RNFT2: variants seen among roughly 807,000 people sequenced by gnomAD.
RNFT2 encodes E3 ubiquitin-protein ligase RNFT2.
Under a neutral mutation model 53.0 loss-of-function variants are expected in RNFT2, and 36 were observed. The observed-to-expected ratio is 0.68, with a 90% CI of 0.52 to 0.90. The LOEUF (loss-of-function observed/expected upper bound fraction) is 0.90. Ranked by LOEUF, RNFT2 falls within the 40% of genes least tolerant of loss-of-function variation. The probability of loss-of-function intolerance (pLI) is 0.00; values close to 1 mark genes in which losing one functional copy is unlikely to be tolerated. For synonymous variants in RNFT2, 260 were observed against 253.2 expected, an observed-to-expected ratio of 1.03 and a Z score of -0.26; for missense variants, 514 against 585.6, an observed-to-expected ratio of 0.88 and a Z score of 1.26.
chr12:116,771,576 A>G (rs1468744123), intron 6 of RNFT2, among the ~76,000 whole-genome samples: 1 of 147,708 alleles, frequency 6.8e-6, no homozygotes, highest in African/African-American at 2.5e-5. Context: ...TTTTTTTTAC[A>G]TAGTAATAGC....
chr12:116,766,825 A>G lies in RNFT2; in HGVS notation c.639A>G (p.Ser213=). ...TGCTTTGTCTTCAGGAGAAGAGGTCAGTGCTGGTCATCTTGTGGATCCTGG... is the reference window on the plus strand; with the variant it reads ...TGCTTTGTCTTCAGGAGAAGAGGTCGGTGCTGGTCATCTTGTGGATCCTGG... ...REQVSLKEKR[S]VLVILWILAF... The change falls in exon 6 of 11, where the codon TCA becomes TCG. Residue 213 remains serine (S), a synonymous_variant. Coordinates refer to ENST00000257575, the MANE Select transcript of RNFT2 (RefSeq NM_001382266.1). 1.3e-6 allele frequency: 2 copies of G among 1,593,726 alleles called. No homozygotes were observed. Among genetic ancestry groups the G allele is most frequent in the Non-Finnish European group, 1.7e-6 (2 of 1,169,438 alleles).
Position 116,849,755 on chromosome 12 carries a change from C to T in RNFT2, c.*307C>T. On this transcript the variant is annotated 3_prime_UTR_variant, in exon 11 of 11. Transcript: ENST00000257575. ...AAGGACCTGGCAATACATGAAGTTC[C>T]CACTTGTTGGTTATTTTCTCTTTCT... 8.6e-7 allele frequency: 1 copy of T among 1,167,066 alleles called. No homozygotes were observed. The highest frequency in any genetic ancestry group is 1.1e-6 in the Non-Finnish European group (1 of 946,660). 72.3% of individuals were successfully genotyped at this position (1,167,066 alleles called of 1,614,324 possible). A position where few individuals can be genotyped will look rare whatever the true frequency, so the allele number is the denominator to read the frequency against.
At position 116,740,680 on chromosome 12, in the gene RNFT2, TAGC is replaced by T. The variant is rs1592931421; in HGVS notation, c.24+167_24+169del. 3 of 709,760 alleles carry T rather than the reference TAGC, an allele frequency of 4.2e-6. No homozygotes were observed. The East Asian group carries it at 8.1e-5, about 19-fold the overall frequency. 44.0% of individuals were successfully genotyped at this position (709,760 alleles called of 1,614,324 possible). Reference sequence around the variant, plus strand: ...TGATTTGTCTAGGGTCACAGCAAGTTAGCAGCAGCATCAACCCAGAATCCATGT... The same window carrying T: ...TGATTTGTCTAGGGTCACAGCAAGTTAGCAGCATCAACCCAGAATCCATGT... On this transcript the variant is annotated intron_variant, in intron 2 of 10. Transcript: ENST00000257575.
intron 6 of RNFT2, among the ~76,000 whole-genome samples, chr12:116,769,556 T>G (rs1873081469): frequency 6.6e-6 from 1 of 152,100 alleles, no homozygotes. Context: ...TAACAAAAAA[T>G]TTTAAAAATA....
chr12:116,788,640 T>C (rs1874048750), intron 7 of RNFT2, among the ~76,000 whole-genome samples: 1 of 152,140 alleles, frequency 6.6e-6, no homozygotes, highest in African/African-American at 2.4e-5. Context: ...CAGCAGGAAA[T>C]GAATGCATCC....
chr12:116,852,426 G>T lies in RNFT2; in HGVS notation c.*2978G>T. On this transcript the variant is annotated 3_prime_UTR_variant, in exon 11 of 11. Coordinates refer to ENST00000257575, the MANE Select transcript of RNFT2 (RefSeq NM_001382266.1). ...GCTCTCTCCTGGTACCCAGCAAGAC[G>T]TCTGTTCCAGGGCAGTGTAGCATCT... 7.3e-7 allele frequency: 1 copy of T among 1,377,746 alleles called. No homozygotes were observed. The highest frequency in any genetic ancestry group is 1.6e-5 in the South Asian group (1 of 62,510). 85.3% of individuals were successfully genotyped at this position (1,377,746 alleles called of 1,614,324 possible).
chr12:116,836,645 C>T (rs563939463), intron 10 of RNFT2, among the ~76,000 whole-genome samples: 4 of 152,220 alleles, frequency 2.6e-5, no homozygotes, highest in South Asian at 4.1e-4. Flanking sequence ...ATAATAGTGG[C>T]CAGGCACAGT....
rs1306054943 is a variant in RNFT2 at position 116,851,463 on chromosome 12, G to C, written c.*2015G>C. 2.3e-6 allele frequency: 1 copy of C among 427,598 alleles called. No homozygotes were observed. Among genetic ancestry groups the C allele is most frequent in the Non-Finnish European group, 4.3e-6 (1 of 233,568 alleles). The allele number at this position is 427,598 out of a possible 1,614,324, so 26.5% of individuals were successfully genotyped here. A position where few individuals can be genotyped will look rare whatever the true frequency, so the allele number is the denominator to read the frequency against. Reference sequence around the variant, plus strand: ...CTTCTAAAAGCACACGAGAGGCCGGGTGTGGTGGCCCATGCCTGTAGTGCC... The same window carrying C: ...CTTCTAAAAGCACACGAGAGGCCGGCTGTGGTGGCCCATGCCTGTAGTGCC... On this transcript the variant is annotated 3_prime_UTR_variant, in exon 11 of 11. Coordinates refer to ENST00000257575, the MANE Select transcript of RNFT2 (RefSeq NM_001382266.1).
At chr12:116,834,848 TC>T (rs1236055890) in intron 8 of RNFT2, among the ~76,000 whole-genome samples, 1 of 146,914 alleles carries the variant, frequency 6.8e-6, no homozygotes, top group Non-Finnish European at 1.5e-5. Context: ...CTATTATTAC[TC>T]CTTTTTTTTT....
chr12:116,805,464 A>G (rs138424357), intron 7 of RNFT2, among the ~76,000 whole-genome samples: 3,115 of 152,132 alleles, frequency 0.02, 54 homozygotes, highest in South Asian at 0.064. Context: ...CTGATGCTGC[A>G]TTTTTTGTTG....
chr12:116,826,060 C>T (rs1466990376), intron 7 of RNFT2, among the ~76,000 whole-genome samples: 1 of 152,094 alleles, frequency 6.6e-6, no homozygotes, highest in Non-Finnish European at 1.5e-5. Flanking sequence ...TATGCCTCTC[C>T]TCCCTTCCTC....
chr12:116,746,587 C>T (rs185092682), intron 3 of RNFT2, among the ~76,000 whole-genome samples: 5 of 152,026 alleles, frequency 3.3e-5, no homozygotes, highest in South Asian at 4.2e-4. Flanking sequence ...GGATGGGGTA[C>T]GGGTTAGGGG....
rs766475084 is a variant in RNFT2, at chr12:116,749,993, G to A, written c.236G>A (p.Gly79Asp). ...TCGTTCCCCTCCAGCCTGGTGCTGGGCTCCTCGGCTGGCGGCGGGGACGTG... is the reference window on the plus strand; with the variant it reads ...TCGTTCCCCTCCAGCCTGGTGCTGGACTCCTCGGCTGGCGGCGGGGACGTG... Reference protein sequence around the residue: ...TSSFPSSLVLGSSAGGGDVFI... With the variant: ...TSSFPSSLVLDSSAGGGDVFI... Residue 79 changes from glycine (G) to aspartate (D), a missense_variant, in exon 4 of 11, where the codon GGC becomes GAC. Transcript: ENST00000257575. The A allele has an allele frequency of 9.6e-6, 15 of 1,559,208 alleles. No individual in the cohort carries two copies. Among genetic ancestry groups the A allele is most frequent in the Non-Finnish European group, 1.3e-5 (15 of 1,151,670 alleles).
Position 116,779,189 on chromosome 12 carries a change from C to T in RNFT2, c.729-6C>T, listed in dbSNP as rs1873575807. The stretch of plus-strand genomic sequence containing the variant: ...AACCTTCTGACTCTCTCAATCCTCC[C>T]CCCAGCCTCATATTCCTGAAGCCCA... On this transcript the variant is annotated splice_polypyrimidine_tract_variant and splice_region_variant and intron_variant, in intron 6 of 10. Coordinates refer to ENST00000257575, the MANE Select transcript of RNFT2 (RefSeq NM_001382266.1). The T allele has an allele frequency of 1.2e-6, 2 of 1,613,992 alleles. No homozygotes were observed. The highest frequency in any genetic ancestry group is 1.3e-5 in the African/African-American group (1 of 75,060).
At chr12:116,794,078 A>C (rs571585605) in intron 7 of RNFT2, among the ~76,000 whole-genome samples, 6 of 151,572 alleles carry the variant, frequency 4.0e-5, no homozygotes, top group Admixed American at 3.3e-4. Context: ...CCAGCCTGGC[A>C]ACAAAGTGAG....
Position 116,753,989 on chromosome 12 carries a change from G to A in RNFT2, c.556G>A (p.Ala186Thr). The A allele has an allele frequency of 6.2e-7, 1 of 1,613,834 alleles. No homozygotes were observed. The change falls in exon 5 of 11, where the codon GCT becomes ACT. Residue 186 changes from alanine (A) to threonine (T), a missense_variant. Physicochemically the swap from Ala to Thr is moderately conservative, Grantham distance 58 (BLOSUM62 0). This residue lies in a region of RNFT2 where 273 missense variants were observed against 334.4 expected (regional missense o/e 0.82). Coordinates refer to ENST00000257575, the MANE Select transcript of RNFT2 (RefSeq NM_001382266.1). Reference sequence around the variant, plus strand: ...GGCCCTTCTCTGTCCCACAGGCATTGCTGTGTGCATCGGGATGGCCAGCAC... The same window carrying A: ...GGCCCTTCTCTGTCCCACAGGCATTACTGTGTGCATCGGGATGGCCAGCAC... ...KLCFQHKLGI[A>T]VCIGMASTFA...
rs991591905 is a variant in RNFT2 at position 116,740,313 on chromosome 12, G to T, written c.-153-32G>T. 5.0e-6 allele frequency: 3 copies of T among 601,248 alleles called. No individual in the cohort carries two copies. In the African/African-American group the frequency reaches 5.5e-5, roughly 11 times the overall value. The allele number at this position is 601,248 out of a possible 1,614,324, so 37.2% of individuals were successfully genotyped here. A position where few individuals can be genotyped will look rare whatever the true frequency, so the allele number is the denominator to read the frequency against. ...CTTAGCAGATTCAAGGTATCGCAGG[G>T]ACTGTTCATCCAGGTGTTCTGTTCC... On this transcript the variant is annotated intron_variant, in intron 1 of 10. Transcript: ENST00000257575.
chr12:116,840,933 T>TGC (rs1355496586), intron 10 of RNFT2, among the ~76,000 whole-genome samples: 20 of 151,776 alleles, frequency 1.3e-4, no homozygotes, highest in Non-Finnish European at 1.5e-5. Flanking sequence ...TGTGTGTGTG[T>TGC]GTGTGTGTGT....
chr12:116,751,369 C>T (rs1480118126), intron 4 of RNFT2, among the ~76,000 whole-genome samples: 1 of 152,026 alleles, frequency 6.6e-6, no homozygotes, highest in Non-Finnish European at 1.5e-5. Context: ...CTGACACATA[C>T]TCAACAGTCA....
Sources: gnomAD v4.1 joint callset for allele counts (sites outside exome capture counted in the v4.1 genomes callset) on GRCh38, gnomAD v4.1.1 for gene constraint, gnomAD v4.1.1 regional missense constraint, MANE v1.5 for transcripts, NCBI Gene and HGNC (gene_info 2026-07-23, HGNC 2026-07-21) for gene names.